Variants in LMNA observed in about 807,000 individuals in gnomAD.
The protein encoded by LMNA is lamin A/C, also known as lamin.
LMNA carries 20 observed loss-of-function variants against 70.4 expected under a neutral mutation model. The ratio of observed to expected loss-of-function variants is 0.28; its 90% CI spans 0.20 to 0.41. The LOEUF (loss-of-function observed/expected upper bound fraction) is 0.41. LMNA is among the 10% of genes least tolerant of loss of function. The pLI is 1.00. For missense variants in LMNA, 652 were observed against 917.2 expected (o/e 0.71, Z 3.73); for synonymous variants, 339 against 372.8 (o/e 0.91, Z 1.04).
At position 156,115,974 on chromosome 1, in the gene LMNA, G is replaced by A. The variant is rs1649800148; in HGVS notation, c.356+700G>A. Among the ~76,000 whole-genome samples the A allele has an allele frequency of 6.6e-6, 1 of 152,212 alleles. No individual in the cohort carries two copies. Among genetic ancestry groups the A allele is most frequent in the South Asian group, 2.1e-4 (1 of 4,824 alleles). ...CAGGCCCACCAAAAGAGCTCCGGGAGATGAGAGATCGGCTCCCCCGCAGCT... is the reference window on the plus strand; with the variant it reads ...CAGGCCCACCAAAAGAGCTCCGGGAAATGAGAGATCGGCTCCCCCGCAGCT... On this transcript the variant is annotated intron_variant, in intron 1 of 11. Coordinates refer to ENST00000368300, the MANE Select transcript of LMNA (RefSeq NM_170707.4). This position sits in a 1 kb window ranked among gnomAD's most constrained non-coding sequence, Gnocchi z 5.8.
intron 1 of LMNA, among the ~76,000 whole-genome samples, chr1:156,121,194 C>T (rs1650164094): frequency 6.6e-6 from 1 of 151,682 alleles, no homozygotes; most frequent in South Asian, 2.1e-4. Context: ...GGACTATAGG[C>T]ACGTGCCACA....
chr1:156,089,399 G>A (rs1648605070), intron 2 of LMNA, among the ~76,000 whole-genome samples: 3 of 151,554 alleles, frequency 2.0e-5, no homozygotes, highest in African/African-American at 7.3e-5. Flanking sequence ...GGGTTCAAGC[G>A]ATTCTCCTGC....
intron 2 of LMNA, among the ~76,000 whole-genome samples, chr1:156,130,998 A>G (rs1027031048): frequency 6.6e-6 from 1 of 152,188 alleles, no homozygotes; most frequent in African/African-American, 2.4e-5. Context: ...GAGGCCGGGC[A>G]TGGTGGTTCA....
intron 1 of LMNA, among the ~76,000 whole-genome samples, chr1:156,117,683 C>G (rs1486308691): frequency 6.6e-6 from 1 of 152,246 alleles, no homozygotes; most frequent in Non-Finnish European, 1.5e-5. Flanking sequence ...CAGGCACCAC[C>G]ACCCACAGCT....
intron 2 of LMNA, among the ~76,000 whole-genome samples, chr1:156,088,876 T>C (rs573811057): frequency 6.6e-6 from 1 of 152,166 alleles, no homozygotes; most frequent in Non-Finnish European, 1.5e-5. Flanking sequence ...ATGGTCTCAA[T>C]CTCCTGACCT....
chr1:156,107,010 G>A (rs796852958), intron 3 of LMNA, among the ~76,000 whole-genome samples: 3 of 152,256 alleles, frequency 2.0e-5, no homozygotes, highest in African/African-American at 7.2e-5. Context: ...TAACCTGGAG[G>A]CAGAAACCTG....
Position 156,130,787 on chromosome 1 carries a change from G to T in LMNA, c.513+14G>T, listed in dbSNP as rs1202057442. On this transcript the variant is annotated intron_variant, in intron 2 of 11. Transcript: ENST00000368300. Reference sequence around the variant, plus strand: ...CAGGTGGCCAAGGTGAGGCCACCCTGCAGGGCCCACCCATGGCCCCACCTA... The same window carrying T: ...CAGGTGGCCAAGGTGAGGCCACCCTTCAGGGCCCACCCATGGCCCCACCTA... 6.4e-7 allele frequency: 1 copy of T among 1,565,068 alleles called. No individual in the cohort carries two copies. Among genetic ancestry groups the T allele is most frequent in the Admixed American group, 1.9e-5 (1 of 52,390 alleles).
chr1:156,082,609 C>T (rs531390616), exon 1 of LMNA: 1 of 151,898 alleles, frequency 6.6e-6, no homozygotes, highest in Non-Finnish European at 1.5e-5. Flanking sequence ...AGGGATGTGG[C>T]CTTCGGTCTT....
chr1:156,090,289 C>T (rs1193825715), intron 2 of LMNA, among the ~76,000 whole-genome samples: 2 of 152,250 alleles, frequency 1.3e-5, no homozygotes, highest in East Asian at 3.9e-4. Context: ...TTACCTAATG[C>T]ACTCATTTTA....
chr1:156,137,621 T>G lies in LMNA; in HGVS notation c.1609-33T>G. On this transcript the variant is annotated intron_variant, in intron 9 of 11. Coordinates refer to ENST00000368300, the MANE Select transcript of LMNA (RefSeq NM_170707.4). The surrounding 1 kb of genome is among the most constrained non-coding windows in gnomAD (Gnocchi z 4.6). ...ATGCTGTACAACCCTTCCCTGGCCC[T>G]GACCCTTGGACCTGGTTCCATGTCC... 6.5e-7 allele frequency: 1 copy of G among 1,543,202 alleles called. No individual in the cohort carries two copies. Among genetic ancestry groups the G allele is most frequent in the East Asian group, 2.4e-5 (1 of 40,992 alleles).
At chr1:156,086,425 T>TCTCTCTCTCTCTCTCTCTCTC (rs1553259431) in intron 2 of LMNA, among the ~76,000 whole-genome samples, 1 of 151,080 alleles carries the variant, frequency 6.6e-6, no homozygotes, top group African/African-American at 2.4e-5. Flanking sequence ...TCTCTCTCTC[T>TCTCTCTCTCTCTCTCTCTCTC]TTTGTCTTTC....
intron 1 of LMNA, among the ~76,000 whole-genome samples, chr1:156,120,668 G>A (rs977668615): frequency 1.3e-5 from 2 of 152,148 alleles, no homozygotes; most frequent in South Asian, 4.1e-4. Context: ...AGCTATGACT[G>A]CACTACTGCA....
chr1:156,126,476 C>T, intron 1 of LMNA: 1 of 644,378 alleles, frequency 1.6e-6, no homozygotes, highest in Non-Finnish European at 2.9e-6. Flanking sequence ...TTGGGCTGAG[C>T]AGGGTGACTC....
intron 1 of LMNA, chr1:156,126,500 G>A (rs775853755): frequency 1.5e-6 from 1 of 671,466 alleles, no homozygotes; most frequent in South Asian, 1.6e-5. Context: ...GGGTGGGTCA[G>A]CGCCTGGCCC....
Position 156,138,391 on chromosome 1 carries a change from C to G in LMNA, c.1699-97C>G. ...TGGGCACAGAACCACACCTTCCTGC[C>G]TGGCGGCTGGGAGCCTGCAGGAGCC... On this transcript the variant is annotated intron_variant, in intron 10 of 11. Coordinates refer to ENST00000368300, the MANE Select transcript of LMNA (RefSeq NM_170707.4). The surrounding 1 kb of genome is among the most constrained non-coding windows in gnomAD (Gnocchi z 5.5). 7.1e-7 allele frequency: 1 copy of G among 1,402,428 alleles called. No individual in the cohort carries two copies. Among genetic ancestry groups the G allele is most frequent in the Non-Finnish European group, 9.8e-7 (1 of 1,025,590 alleles). The allele number at this position is 1,402,428 out of a possible 1,614,324, so 86.9% of individuals were successfully genotyped here. A position where few individuals can be genotyped will look rare whatever the true frequency, so the allele number is the denominator to read the frequency against.
At position 156,114,736 on chromosome 1, in the gene LMNA, C is replaced by T. The variant is rs886045357; in HGVS notation, c.-183C>T. 2.1e-5 allele frequency: 12 copies of T among 576,484 alleles called. No individual in the cohort carries two copies. Among genetic ancestry groups the T allele is most frequent in the Non-Finnish European group, 3.0e-5 (10 of 330,850 alleles). The allele number at this position is 576,484 out of a possible 1,614,324, so 35.7% of individuals were successfully genotyped here. A position where few individuals can be genotyped will look rare whatever the true frequency, so the allele number is the denominator to read the frequency against. On this transcript the variant is annotated 5_prime_UTR_variant, in exon 1 of 12. Coordinates refer to ENST00000368300, the MANE Select transcript of LMNA (RefSeq NM_170707.4). Reference sequence around the variant, plus strand: ...AGTGTTCGCGGGAGCGCCGCACCTACACCAGCCAACCCAGATCCCGAGGTC... The same window carrying T: ...AGTGTTCGCGGGAGCGCCGCACCTATACCAGCCAACCCAGATCCCGAGGTC...
intron 1 of LMNA, among the ~76,000 whole-genome samples, chr1:156,116,550 A>G (rs746555358): frequency 3.3e-5 from 5 of 151,876 alleles, no homozygotes; most frequent in Non-Finnish European, 7.4e-5. Context: ...CTCTTTTATC[A>G]TCTACTCCAA....
At chr1:156,088,566 G>T (rs1648571624) in intron 2 of LMNA, among the ~76,000 whole-genome samples, 1 of 152,184 alleles carries the variant, frequency 6.6e-6, no homozygotes. Context: ...GCACCTTGGG[G>T]CCAAGGTGGA....
chr1:156,137,905 C>T lies in LMNA; in HGVS notation c.1698+162C>T. 1 of 1,438,420 alleles carries T rather than the reference C, an allele frequency of 7.0e-7. No individual in the cohort carries two copies. The highest frequency in any genetic ancestry group is 9.3e-7 in the Non-Finnish European group (1 of 1,079,110). The allele number at this position is 1,438,420 out of a possible 1,614,324, so 89.1% of individuals were successfully genotyped here. On this transcript the variant is annotated intron_variant, in intron 10 of 11. Coordinates refer to ENST00000368300, the MANE Select transcript of LMNA (RefSeq NM_170707.4). This position sits in a 1 kb window ranked among gnomAD's most constrained non-coding sequence, Gnocchi z 4.6. The stretch of plus-strand genomic sequence containing the variant: ...CCTTTCTTCTCTCTCCTCCCTATAC[C>T]TTGAACAGGGAACCCAGGTGTCTGG...
Sources: gnomAD v4.1 joint callset for allele counts (sites outside exome capture counted in the v4.1 genomes callset) on GRCh38, gnomAD v4.1.1 for gene constraint, Gnocchi (gnomAD v3.1) non-coding constraint, MANE v1.5 for transcripts, NCBI Gene and HGNC (gene_info 2026-07-23, HGNC 2026-07-21) for gene names.